Variants in NDC1 observed in about 807,000 individuals in gnomAD.
NDC1 encodes NDC1 transmembrane nucleoporin, also known as nucleoporin NDC1.
A neutral mutation model predicts 89.8 loss-of-function variants in NDC1; 24 were observed. That is an observed-to-expected ratio of 0.27 (90% CI 0.19 to 0.38). NDC1 has a LOEUF of 0.38. Among genes scored for constraint, NDC1 ranks in the 10% least tolerant of loss-of-function variants. The pLI is 1.00. For synonymous variants in NDC1, 296 were observed against 284.8 expected (o/e 1.04, Z -0.39); for missense variants, 728 against 797.6 (o/e 0.91, Z 1.05).
intron 10 of NDC1, among the ~76,000 whole-genome samples, chr1:53,801,505 T>C (rs1647916762): frequency 6.6e-6 from 1 of 152,188 alleles, no homozygotes; most frequent in African/African-American, 2.4e-5. Flanking sequence ...CTAGAGTTAT[T>C]ATATAAAAAT....
At chr1:53,818,282 C>A (rs942429574) in intron 6 of NDC1, among the ~76,000 whole-genome samples, 3 of 151,906 alleles carry the variant, frequency 2.0e-5, no homozygotes, top group African/African-American at 7.3e-5. Flanking sequence ...ACTAAAAATA[C>A]AAAAAATAGC....
At chr1:53,798,770 G>C (rs1057490737) in intron 11 of NDC1, among the ~76,000 whole-genome samples, 3 of 152,000 alleles carry the variant, frequency 2.0e-5, no homozygotes, top group African/African-American at 7.2e-5. Context: ...GGCCAGGCTG[G>C]TCTCAAACTC....
At chr1:53,834,479 AAG>A (rs1649166067) in intron 2 of NDC1, among the ~76,000 whole-genome samples, 2 of 152,230 alleles carry the variant, frequency 1.3e-5, no homozygotes, top group African/African-American at 4.8e-5. Context: ...GTCATGGGTA[AAG>A]AGTCCAACTC....
intron 16 of NDC1, among the ~76,000 whole-genome samples, chr1:53,784,777 C>A (rs1647264869): frequency 6.7e-6 from 1 of 150,212 alleles, no homozygotes; most frequent in South Asian, 2.1e-4. Context: ...GGCGAAAGAG[C>A]GAGACTCTGT....
At chr1:53,832,905 A>G (rs10465828) in intron 2 of NDC1, among the ~76,000 whole-genome samples, 152,126 of 152,134 alleles carry the variant, frequency 1, 76,059 homozygotes, top group Middle Eastern at 1. Flanking sequence ...CCAGCTACTC[A>G]GGAGGCTGAA....
At chr1:53,829,149 T>C (rs1648971068) in intron 3 of NDC1, among the ~76,000 whole-genome samples, 1 of 152,020 alleles carries the variant, frequency 6.6e-6, no homozygotes, top group African/African-American at 2.4e-5. Flanking sequence ...TAGCCTAGGG[T>C]TCCCTGATCT....
chr1:53,796,875 T>C (rs759182103), intron 12 of NDC1, 24 bp downstream of exon 12: 3 of 1,608,330 alleles, frequency 1.9e-6, no homozygotes, highest in Non-Finnish European at 2.5e-6. Flanking sequence ...ACATTTAAAA[T>C]CTTAAAAAAT....
intron 2 of NDC1, among the ~76,000 whole-genome samples, chr1:53,833,813 C>T (rs1202833083): frequency 6.6e-6 from 1 of 151,358 alleles, no homozygotes; most frequent in African/African-American, 2.4e-5. Flanking sequence ...TTTAAAAGTA[C>T]AATTCATTGA....
intron 5 of NDC1, among the ~76,000 whole-genome samples, chr1:53,823,892 C>T (rs1648752778): frequency 6.6e-6 from 1 of 152,092 alleles, no homozygotes; most frequent in Non-Finnish European, 1.5e-5. Flanking sequence ...TTTTCATTAG[C>T]TTGTTCTCAT....
At chr1:53,769,506 T>C (rs1272436188) in intron 17 of NDC1, among the ~76,000 whole-genome samples, 1 of 152,244 alleles carries the variant, frequency 6.6e-6, no homozygotes, top group Non-Finnish European at 1.5e-5. Context: ...CCATAACATA[T>C]GTTATAAACC....
At position 53,772,478 on chromosome 1, in the gene NDC1, C is replaced by T. The variant is rs1271439203; in HGVS notation, c.1812G>A (p.Lys604=). The T allele has an allele frequency of 1.9e-6, 3 of 1,612,860 alleles. 1 individual carries two copies. Among genetic ancestry groups the T allele is most frequent in the Admixed American group, 1.7e-5 (1 of 59,976 alleles). Residue 604 remains lysine, a synonymous_variant, in exon 17 of 18, where the codon AAG becomes AAA. Coordinates refer to ENST00000371429, the MANE Select transcript of NDC1 (RefSeq NM_018087.5). The part of the protein sequence containing the change: ...TLLTLQEAVD[K]YFKLPHASSK... Reference sequence around the variant, plus strand: ...TGGAAGCATGAGGAAGCTTAAAGTACTTGTCGACTGCCTACACCAAGAAAG... The same window carrying T: ...TGGAAGCATGAGGAAGCTTAAAGTATTTGTCGACTGCCTACACCAAGAAAG...
intron 8 of NDC1, 94 bp from the exon 9 acceptor site, chr1:53,806,611 GCA>G (rs2100663265): frequency 1.5e-6 from 1 of 682,092 alleles, no homozygotes; most frequent in South Asian, 4.5e-5. Flanking sequence ...GACAGCACAA[GCA>G]AACTGACATC....
chr1:53,777,372 G>C lies in NDC1; in HGVS notation c.1801-4883C>G, dbSNP rs1403086379. 3.9e-5 allele frequency among the ~76,000 whole-genome samples: 6 copies of C among 151,986 alleles called. No homozygotes were observed. The East Asian group carries it at 1.2e-3, about 29-fold the overall frequency. ...TAATTGCTCTCTTTGTTCTCTAAAA[G>C]ACCTCTAAGAAAGAATAAAGGTCAT... is the stretch of plus-strand genomic sequence containing the variant. On this transcript the variant is annotated intron_variant, in intron 16 of 17. Transcript: ENST00000371429.
At chr1:53,827,267 T>TAA (rs80007578) in intron 4 of NDC1, among the ~76,000 whole-genome samples, 17 of 126,862 alleles carry the variant, frequency 1.3e-4, no homozygotes, top group Admixed American at 2.4e-4. Context: ...CATCTTTGTT[T>TAA]AAAAAAAAAA....
chr1:53,820,013 G>T (rs1010763974), intron 5 of NDC1, among the ~76,000 whole-genome samples: 5 of 152,128 alleles, frequency 3.3e-5, no homozygotes, highest in Non-Finnish European at 5.9e-5. Flanking sequence ...TAGCACTTTG[G>T]GAGGCCTGAG....
At chr1:53,818,778 T>C (rs1343243927) in intron 6 of NDC1, among the ~76,000 whole-genome samples, 193 bp downstream of exon 6, 1 of 152,256 alleles carries the variant, frequency 6.6e-6, no homozygotes, top group Non-Finnish European at 1.5e-5. Context: ...TATTTCGTTA[T>C]AGGCATATGT....
chr1:53,779,603 T>C (rs1647188113), intron 16 of NDC1, among the ~76,000 whole-genome samples: 1 of 152,092 alleles, frequency 6.6e-6, no homozygotes, highest in Non-Finnish European at 1.5e-5. Context: ...AAAGGTAATC[T>C]AAAAGGGTGG....
At chr1:53,795,040 A>G (rs979412750) in intron 13 of NDC1, among the ~76,000 whole-genome samples, 1 of 151,566 alleles carries the variant, frequency 6.6e-6, no homozygotes, top group Non-Finnish European at 1.5e-5. Flanking sequence ...TGTCCCCACT[A>G]CTCCAGCCAA....
intron 5 of NDC1, among the ~76,000 whole-genome samples, chr1:53,825,145 C>G (rs1210857710): frequency 6.6e-6 from 1 of 151,712 alleles, no homozygotes; most frequent in East Asian, 1.9e-4. Flanking sequence ...TGCACTCCAG[C>G]CTGGGTGACA....
Sources: allele counts gnomAD v4.1 joint callset (sites outside exome capture counted in the v4.1 genomes callset), GRCh38; gene constraint gnomAD v4.1.1; transcripts MANE v1.5; gene names NCBI Gene and HGNC (gene_info 2026-07-23, HGNC 2026-07-21).